Variants in PTPRJ observed in about 807,000 individuals in gnomAD.
The protein encoded by PTPRJ is protein tyrosine phosphatase receptor type J, also known as receptor-type tyrosine-protein phosphatase eta.
Under a neutral mutation model 141.3 loss-of-function variants are expected in PTPRJ, and 129 were observed. The ratio of observed to expected loss-of-function variants is 0.91; its 90% CI spans 0.79 to 1.06. The LOEUF is 1.06. Among genes scored for constraint, PTPRJ ranks in the 50% least tolerant of loss-of-function variants. The pLI, the probability that PTPRJ is intolerant of heterozygous loss-of-function variation, is 0.00. For synonymous variants in PTPRJ, 610 were observed against 640.5 expected, an observed-to-expected ratio of 0.95 and a Z score of 0.72; for missense variants, 1,601 against 1,679.7, an observed-to-expected ratio of 0.95 and a Z score of 0.82.
intron 1 of PTPRJ, among the ~76,000 whole-genome samples, chr11:47,986,528 T>C (rs80085004): frequency 9.9e-4 from 151 of 152,288 alleles, no homozygotes; most frequent in African/African-American, 3.3e-3. Context: ...CAATTTTTTC[T>C]TTTTTTAAGA....
intron 3 of PTPRJ, among the ~76,000 whole-genome samples, chr11:48,116,502 G>A (rs979979843): frequency 6.6e-6 from 1 of 152,194 alleles, no homozygotes; most frequent in African/African-American, 2.4e-5. Context: ...CTTACTTCCA[G>A]CAATGGACAA....
chr11:47,981,089 C>T (rs1481114018), intron 1 of PTPRJ, 81 bp downstream of exon 1: 2 of 1,179,316 alleles, frequency 1.7e-6, no homozygotes, highest in Non-Finnish European at 2.1e-6. Context: ...AGCGTACCCC[C>T]CCGGGGGGTT....
At position 48,142,913 on chromosome 11, in the gene PTPRJ, T is replaced by C. The variant is rs764747030; in HGVS notation, c.2444-6T>C. Reference sequence around the variant, plus strand: ...GGTGATCATGTTTTGTTTTGTTTTGTTTTAGATCCCCCTCCTCCAGATGGA... The same window carrying C: ...GGTGATCATGTTTTGTTTTGTTTTGCTTTAGATCCCCCTCCTCCAGATGGA... On this transcript the variant is annotated splice_region_variant and splice_polypyrimidine_tract_variant and intron_variant, in intron 11 of 24. Transcript: ENST00000418331. The C allele has an allele frequency of 6.2e-7, 1 of 1,612,376 alleles. No homozygotes were observed. The highest frequency in any genetic ancestry group is 1.7e-5 in the Admixed American group (1 of 59,708).
At chr11:47,990,718 C>T (rs1854168600) in intron 1 of PTPRJ, among the ~76,000 whole-genome samples, 1 of 147,966 alleles carries the variant, frequency 6.8e-6, no homozygotes, top group Non-Finnish European at 1.5e-5. Flanking sequence ...CGGAGTCTCA[C>T]CCAGTCACCC....
intron 15 of PTPRJ, among the ~76,000 whole-genome samples, chr11:48,147,852 T>G (rs941552483): frequency 2.3e-5 from 3 of 130,888 alleles, no homozygotes; most frequent in African/African-American, 8.0e-5. Context: ...TTAGGTTCTG[T>G]TTTTTTTTTT....
chr11:47,981,031 C>CG (rs1052445304), intron 1 of PTPRJ, 23 bp downstream of exon 1: 30 of 285,814 alleles, frequency 1.0e-4, no homozygotes, highest in East Asian at 1.9e-4. Context: ...TGGGCTCGGG[C>CG]GGGGGGCAGG....
chr11:48,020,912 G>A (rs1266170019), intron 1 of PTPRJ, among the ~76,000 whole-genome samples: 1 of 152,174 alleles, frequency 6.6e-6, no homozygotes, highest in East Asian at 1.9e-4. Context: ...GTCAGAGTTG[G>A]GTGAAGAAAG....
At chr11:48,144,359 A>T (rs1007421578) in intron 12 of PTPRJ, among the ~76,000 whole-genome samples, 2 of 152,212 alleles carry the variant, frequency 1.3e-5, no homozygotes, top group African/African-American at 4.8e-5. Context: ...TCTGAGCCCG[A>T]TGCCCTGGAT....
At chr11:48,082,301 G>A (rs1855579382) in intron 1 of PTPRJ, among the ~76,000 whole-genome samples, 2 of 151,872 alleles carry the variant, frequency 1.3e-5, no homozygotes, top group South Asian at 4.2e-4. Flanking sequence ...GAAGTGCAGT[G>A]GCACAATTAT....
intron 1 of PTPRJ, among the ~76,000 whole-genome samples, chr11:48,057,760 A>G (rs1245724140): frequency 6.6e-6 from 1 of 152,118 alleles, no homozygotes; most frequent in Non-Finnish European, 1.5e-5. Flanking sequence ...GATCACAATG[A>G]CTATTAAAGA....
rs1856197978 is a variant in PTPRJ, at chr11:48,103,316, G to A, written c.97-6742G>A. Among the ~76,000 whole-genome samples, 2 of 152,064 alleles carry A rather than the reference G, an allele frequency of 1.3e-5. 1 individual carries two copies. The highest frequency in any genetic ancestry group is 4.1e-4 in the South Asian group (2 of 4,820). ...TCTACAAAAAACAAAAATATTAGCT[G>A]GGTATAGTGGGACACATGTGTAGTT... On this transcript the variant is annotated intron_variant, in intron 1 of 24. Transcript: ENST00000418331.
intron 3 of PTPRJ, among the ~76,000 whole-genome samples, chr11:48,114,265 C>T (rs1242491669): frequency 1.3e-5 from 2 of 151,696 alleles, no homozygotes; most frequent in Non-Finnish European, 2.9e-5. Context: ...TGGCAAAACC[C>T]CGTCTCTGTT....
chr11:48,105,606 C>T (rs1297607159), intron 1 of PTPRJ, among the ~76,000 whole-genome samples: 2 of 152,172 alleles, frequency 1.3e-5, no homozygotes, highest in African/African-American at 4.8e-5. Flanking sequence ...AACAATGGCT[C>T]CACGAGACCC....
Position 48,126,811 on chromosome 11 carries a change from C to G in PTPRJ, c.1094-969C>G, listed in dbSNP as rs1008983395. 3.6e-4 allele frequency among the ~76,000 whole-genome samples: 47 copies of G among 128,870 alleles called. 1 individual carries two copies. The highest frequency in any genetic ancestry group is 1.5e-3 in the African/African-American group (43 of 28,700). 84.5% of individuals were successfully genotyped at this position (128,870 alleles called of 152,430 possible). A position where few individuals can be genotyped will look rare whatever the true frequency, so the allele number is the denominator to read the frequency against. On this transcript the variant is annotated intron_variant, in intron 6 of 24. Coordinates refer to ENST00000418331, the MANE Select transcript of PTPRJ (RefSeq NM_002843.4). ...ACACACACACACACACACACACACA[C>G]ACACACACAGATAAACACACATTTC...
chr11:47,996,536 G>A (rs954032568), intron 1 of PTPRJ, among the ~76,000 whole-genome samples: 3 of 152,120 alleles, frequency 2.0e-5, no homozygotes, highest in Non-Finnish European at 2.9e-5. Context: ...GCAACAACCA[G>A]GCCATTTTGT....
At chr11:48,048,554 G>A (rs1016168748) in intron 1 of PTPRJ, among the ~76,000 whole-genome samples, 31 of 152,328 alleles carry the variant, frequency 2.0e-4, no homozygotes, top group Non-Finnish European at 2.1e-4. Context: ...AGCACTTTGG[G>A]AGGCTGAGGC....
At chr11:47,992,958 G>A (rs1315397834) in intron 1 of PTPRJ, among the ~76,000 whole-genome samples, 1 of 152,208 alleles carries the variant, frequency 6.6e-6, no homozygotes, top group African/African-American at 2.4e-5. Flanking sequence ...GGAATGGAAT[G>A]GTGGAAGATG....
intron 1 of PTPRJ, among the ~76,000 whole-genome samples, chr11:48,039,114 C>G (rs1239249730): frequency 3.4e-5 from 5 of 148,938 alleles, no homozygotes; most frequent in African/African-American, 1.0e-4. Context: ...CATACCACTG[C>G]ACTCCAGCCT....
In PTPRJ at chr11:47,980,977, C is replaced by CGCTGCTGCTGCT. The variant is rs747484779; in HGVS notation, c.74_85dup (p.Leu25_Leu28dup). On this transcript the variant is annotated inframe_insertion, in exon 1 of 25. Transcript: ENST00000418331. Reference sequence around the variant, plus strand: ...TCGCCCGGGCTGCGCTGGGCGCTGCCGCTGCTGCTGCTGCTGCTGCGCCTG... The same window carrying CGCTGCTGCTGCT: ...TCGCCCGGGCTGCGCTGGGCGCTGCCGCTGCTGCTGCTGCTGCTGCTGCTGCTGCTGCGCCTG... 2.5e-6 allele frequency: 3 copies of CGCTGCTGCTGCT among 1,191,918 alleles called. No individual in the cohort carries two copies. Among genetic ancestry groups the CGCTGCTGCTGCT allele is most frequent in the Non-Finnish European group, 1.0e-6 (1 of 963,612 alleles). 73.8% of individuals were successfully genotyped at this position (1,191,918 alleles called of 1,614,324 possible).
Sources: gnomAD v4.1 joint callset for allele counts (sites outside exome capture counted in the v4.1 genomes callset) on GRCh38, gnomAD v4.1.1 for gene constraint, MANE v1.5 for transcripts, NCBI Gene and HGNC (gene_info 2026-07-23, HGNC 2026-07-21) for gene names.